Variants in NDST3 observed in about 807,000 individuals in gnomAD.
NDST3 encodes bifunctional heparan sulfate N-deacetylase/N-sulfotransferase 3.
A neutral mutation model predicts 96.1 loss-of-function variants in NDST3; 58 were observed. That is an observed-to-expected ratio of 0.60 (90% CI 0.49 to 0.75). The LOEUF (loss-of-function observed/expected upper bound fraction) is 0.75. Ranked by LOEUF, NDST3 falls within the 30% of genes least tolerant of loss-of-function variation. NDST3 has a pLI of 0.00. For synonymous variants in NDST3, 333 were observed against 359.7 expected (o/e 0.93, Z 0.84); for missense variants, 788 against 1,034.2 (o/e 0.76, Z 3.27).
chr4:118,097,225 A>AT (rs1729387876), intron 2 of NDST3, among the ~76,000 whole-genome samples: 1 of 151,876 alleles, frequency 6.6e-6, no homozygotes, highest in Admixed American at 6.6e-5. Context: ...AGCCAGCACA[A>AT]TTTTTAGGAC....
At chr4:118,151,232 T>C (rs993396125) in intron 6 of NDST3, among the ~76,000 whole-genome samples, 1 of 152,118 alleles carries the variant, frequency 6.6e-6, no homozygotes, top group Non-Finnish European at 1.5e-5. Flanking sequence ...CTCTGGGGAC[T>C]GTTGTGGGGT....
At chr4:118,226,543 A>G (rs1214244626) in intron 7 of NDST3, among the ~76,000 whole-genome samples, 1 of 152,140 alleles carries the variant, frequency 6.6e-6, no homozygotes, top group Non-Finnish European at 1.5e-5. Flanking sequence ...TGAGTGTATC[A>G]TCTTTTAGGT....
At chr4:118,229,595 G>T (rs1298915535) in intron 8 of NDST3, among the ~76,000 whole-genome samples, 2 of 152,212 alleles carry the variant, frequency 1.3e-5, no homozygotes, top group East Asian at 3.9e-4. Context: ...AAAATAATTA[G>T]ATTACATCCA....
intron 1 of NDST3, among the ~76,000 whole-genome samples, chr4:118,049,839 A>G (rs1347541878): frequency 6.6e-6 from 1 of 152,106 alleles, no homozygotes; most frequent in African/African-American, 2.4e-5. Flanking sequence ...TACTGAAATT[A>G]TTCCAAAAAA....
chr4:118,052,224 C>A (rs560572454), intron 1 of NDST3, among the ~76,000 whole-genome samples: 20 of 152,188 alleles, frequency 1.3e-4, no homozygotes, highest in African/African-American at 4.6e-4. Context: ...GAAGTCATGT[C>A]TTTTGTAGTA....
chr4:118,076,844 A>G (rs1727581897), intron 2 of NDST3, among the ~76,000 whole-genome samples: 1 of 152,152 alleles, frequency 6.6e-6, no homozygotes, highest in Non-Finnish European at 1.5e-5. Flanking sequence ...AAACTACTTC[A>G]GTCGTTTTGA....
intron 6 of NDST3, among the ~76,000 whole-genome samples, chr4:118,214,485 T>C (rs1739066049): frequency 6.6e-6 from 1 of 152,186 alleles, no homozygotes; most frequent in Non-Finnish European, 1.5e-5. Flanking sequence ...AAATTAAGTA[T>C]ATTATTTAAA....
chr4:118,246,523 T>G (rs1420980638), intron 12 of NDST3, among the ~76,000 whole-genome samples: 2 of 152,062 alleles, frequency 1.3e-5, no homozygotes, highest in Non-Finnish European at 2.9e-5. Flanking sequence ...GGAGAATCAC[T>G]TGAACCTGAG....
intron 6 of NDST3, among the ~76,000 whole-genome samples, chr4:118,187,990 T>C (rs1298139308): frequency 1.3e-5 from 2 of 152,174 alleles, no homozygotes; most frequent in Non-Finnish European, 1.5e-5. Context: ...CCTCAGTCAG[T>C]GGACCATAAA....
chr4:118,082,016 A>G (rs1011898347), intron 2 of NDST3, among the ~76,000 whole-genome samples: 9 of 152,252 alleles, frequency 5.9e-5, no homozygotes, highest in South Asian at 4.1e-4. Context: ...ACAGCCATGT[A>G]TATTTATTAG....
At chr4:118,132,450 A>G (rs1340522922) in intron 4 of NDST3, among the ~76,000 whole-genome samples, 1 of 151,688 alleles carries the variant, frequency 6.6e-6, no homozygotes, top group Non-Finnish European at 1.5e-5. Flanking sequence ...CCTGGGATTC[A>G]CCCTCTGCAC....
chr4:118,090,703 CA>C (rs1431999720), intron 2 of NDST3, among the ~76,000 whole-genome samples: 1 of 151,650 alleles, frequency 6.6e-6, no homozygotes, highest in African/African-American at 2.4e-5. Context: ...GAAAAAACAT[CA>C]GGAAAAAAAG....
intron 6 of NDST3, among the ~76,000 whole-genome samples, chr4:118,195,405 T>C (rs1015891113): frequency 6.6e-6 from 1 of 152,080 alleles, no homozygotes; most frequent in Non-Finnish European, 1.5e-5. Flanking sequence ...TAAATGGGAG[T>C]TCCCCTGTAC....
intron 2 of NDST3, among the ~76,000 whole-genome samples, chr4:118,071,647 C>A (rs1727086057): frequency 6.6e-6 from 1 of 152,068 alleles, no homozygotes; most frequent in African/African-American, 2.4e-5. Context: ...TTTACATTTT[C>A]TTCATCCAGT....
intron 3 of NDST3, 35 bp from the exon 4 acceptor site, chr4:118,114,771 C>G (rs1447867454): frequency 6.3e-7 from 1 of 1,578,836 alleles, no homozygotes; most frequent in East Asian, 2.3e-5. Flanking sequence ...ATCAGTGTAA[C>G]TGGAATTAAT....
intron 6 of NDST3, among the ~76,000 whole-genome samples, chr4:118,173,052 T>A (rs1256541973): frequency 1.3e-5 from 2 of 152,016 alleles, no homozygotes; most frequent in Non-Finnish European, 2.9e-5. Context: ...ACAAAAGGAA[T>A]CTACTTTGTG....
chr4:118,081,426 G>A (rs189556170), intron 2 of NDST3, among the ~76,000 whole-genome samples: 2 of 151,858 alleles, frequency 1.3e-5, no homozygotes, highest in South Asian at 2.1e-4. Context: ...GTGTGTGTGC[G>A]AGAGAGAGAT....
At chr4:118,233,204 T>C in intron 9 of NDST3, 69 bp downstream of exon 9, 6 of 1,248,482 alleles carry the variant, frequency 4.8e-6, no homozygotes, top group Non-Finnish European at 6.4e-6. Context: ...AGCACTAATA[T>C]TTAGAAACAT....
chr4:118,135,492 A>G (rs551778007), intron 4 of NDST3, among the ~76,000 whole-genome samples: 2 of 152,282 alleles, frequency 1.3e-5, no homozygotes, highest in South Asian at 2.1e-4. Flanking sequence ...CATTAAATGC[A>G]TATCATGTTT....
Sources: allele counts gnomAD v4.1 joint callset (sites outside exome capture counted in the v4.1 genomes callset), GRCh38; gene constraint gnomAD v4.1.1; transcripts MANE v1.5; gene names NCBI Gene and HGNC (gene_info 2026-07-23, HGNC 2026-07-21).